Variants in SGK3 observed in about 807,000 individuals in gnomAD.
The protein encoded by SGK3 is serine/threonine-protein kinase Sgk3.
Under a neutral mutation model 68.5 loss-of-function variants are expected in SGK3, and 47 were observed. The observed-to-expected ratio is 0.69, with a 90% CI of 0.54 to 0.87. The LOEUF (loss-of-function observed/expected upper bound fraction) is 0.87, where lower values mean the gene tolerates loss of function less well. Ranked by LOEUF, SGK3 falls within the 40% of genes least tolerant of loss-of-function variation. The probability of loss-of-function intolerance (pLI) is 0.00; values close to 1 mark genes in which losing one functional copy is unlikely to be tolerated. For synonymous variants in SGK3, 181 were observed against 189.1 expected, an observed-to-expected ratio of 0.96 and a Z score of 0.35; for missense variants, 479 against 575.5, an observed-to-expected ratio of 0.83 and a Z score of 1.72.
intron 15 of SGK3, among the ~76,000 whole-genome samples, chr8:66,849,997 A>G (rs1037080945): frequency 2.6e-5 from 4 of 152,236 alleles, no homozygotes; most frequent in Admixed American, 2.0e-4. Flanking sequence ...TTATGACCCT[A>G]GAGCAAAATC....
intron 16 of SGK3, among the ~76,000 whole-genome samples, chr8:66,856,356 C>T (rs377057618): frequency 2.0e-5 from 3 of 152,142 alleles, no homozygotes; most frequent in Admixed American, 6.6e-5. Context: ...CATGAGCCAC[C>T]GTGCCTGGCC....
chr8:66,828,492 C>G (rs563183561), intron 6 of SGK3, among the ~76,000 whole-genome samples, 162 bp from the exon 7 acceptor site: 47 of 152,272 alleles, frequency 3.1e-4, no homozygotes, highest in Non-Finnish European at 6.2e-4. Context: ...ATGTGTATTT[C>G]CAAGTAAGTC....
At chr8:66,799,779 G>T (rs770576916) in intron 3 of SGK3, among the ~76,000 whole-genome samples, 1 of 152,128 alleles carries the variant, frequency 6.6e-6, no homozygotes, top group African/African-American at 2.4e-5. Context: ...GAGCTACCAC[G>T]CCTGGCTAGT....
Position 66,850,312 on chromosome 8 carries a change from T to C in SGK3, c.1231-519T>C, listed in dbSNP as rs528738750. ...CTCCTGTGGCACCTTGAAGGAAAAA[T>C]AGCTAGAGTCAATACTGTGCCATTG... is the stretch of plus-strand genomic sequence containing the variant. On this transcript the variant is annotated intron_variant, in intron 15 of 16. Transcript: ENST00000521198. Among the ~76,000 whole-genome samples the C allele has an allele frequency of 2.1e-3, 326 of 152,294 alleles. 1 individual carries two copies. Among genetic ancestry groups the C allele is most frequent in the Non-Finnish European group, 3.9e-3 (265 of 68,034 alleles).
Position 66,840,056 on chromosome 8 carries a change from TTA to T in SGK3, c.796_797del (p.Tyr266ArgfsTer3). The stretch of plus-strand genomic sequence containing the variant: ...CCTTTCCTGAGCACAGAGCTAGGTT[TTA>T]CGCTGCTGAAATTGCTAGTGCATTG... ...RSFPEHRARF[Y>X]AAEIASALGY... On this transcript the variant is annotated frameshift_variant, in exon 11 of 17. Transcript: ENST00000521198. LOFTEE classifies it high-confidence loss of function. 6.2e-7 allele frequency: 1 copy of T among 1,614,118 alleles called. No individual in the cohort carries two copies. Among genetic ancestry groups the T allele is most frequent in the Non-Finnish European group, 8.5e-7 (1 of 1,179,994 alleles).
chr8:66,804,535 G>C, intron 4 of SGK3, 88 bp downstream of exon 4: 1 of 1,353,100 alleles, frequency 7.4e-7, no homozygotes, highest in Non-Finnish European at 1.0e-6. Context: ...GTATAGCAGT[G>C]CAGGACTTTA....
chr8:66,724,407 C>T (rs1358922086), intron 1 of SGK3, among the ~76,000 whole-genome samples: 1 of 152,190 alleles, frequency 6.6e-6, no homozygotes, highest in Admixed American at 6.5e-5. Flanking sequence ...AAAACCTCGT[C>T]TCTACTAAAA....
chr8:66,786,852 A>G (rs1318853303), intron 1 of SGK3, among the ~76,000 whole-genome samples: 2 of 150,524 alleles, frequency 1.3e-5, no homozygotes, highest in East Asian at 3.9e-4. Flanking sequence ...ATAACATCAT[A>G]CTTAACAAAT....
chr8:66,807,424 T>C (rs1808212143), intron 4 of SGK3, among the ~76,000 whole-genome samples: 1 of 152,218 alleles, frequency 6.6e-6, no homozygotes, highest in Non-Finnish European at 1.5e-5. Context: ...AAAGGCAAGA[T>C]ACCAGGCTGA....
At chr8:66,837,753 C>T (rs756372261) in intron 10 of SGK3, among the ~76,000 whole-genome samples, 2 of 152,114 alleles carry the variant, frequency 1.3e-5, no homozygotes, top group African/African-American at 2.4e-5. Flanking sequence ...AACTGTACTC[C>T]AGCCTGGGTG....
intron 1 of SGK3, chr8:66,767,555 C>G (rs759067948): frequency 6.8e-7 from 1 of 1,478,252 alleles, no homozygotes; most frequent in Non-Finnish European, 9.4e-7. Flanking sequence ...TCTCTCTCCT[C>G]ATCAAGTATC....
At chr8:66,733,792 A>G (rs1234513423) in intron 1 of SGK3, among the ~76,000 whole-genome samples, 2 of 152,142 alleles carry the variant, frequency 1.3e-5, no homozygotes, top group African/African-American at 2.4e-5. Context: ...AACTTTTTCA[A>G]TTTTAACTAG....
In SGK3 at chr8:66,839,541, ATATATATATATATATATT is replaced by A. The variant is rs1367054226; in HGVS notation, c.742-460_742-443del. On this transcript the variant is annotated intron_variant, in intron 10 of 16. Transcript: ENST00000521198. ...TATATATATATATATATATATATAT[ATATATATATATATATATT>A]TTCATATGGGTTATATTTGTTCTGC... 9.6e-4 allele frequency among the ~76,000 whole-genome samples: 69 copies of A among 71,522 alleles called. 1 individual carries two copies. Among genetic ancestry groups the A allele is most frequent in the African/African-American group, 3.1e-3 (55 of 17,986 alleles). The allele number at this position is 71,522 out of a possible 152,430, so 46.9% of individuals were successfully genotyped here.
chr8:66,718,879 C>G (rs752950672), intron 1 of SGK3, among the ~76,000 whole-genome samples: 32 of 152,176 alleles, frequency 2.1e-4, no homozygotes, highest in Non-Finnish European at 3.8e-4. Flanking sequence ...GAATCATATT[C>G]TTAGTTTTCC....
chr8:66,825,982 C>CT (rs1405303305), intron 6 of SGK3, among the ~76,000 whole-genome samples: 28 of 148,864 alleles, frequency 1.9e-4, no homozygotes, highest in South Asian at 6.4e-4. Context: ...CTTCCTTCAT[C>CT]TTTTTTTTTT....
intron 16 of SGK3, 142 bp from the exon 17 acceptor site, chr8:66,859,269 G>A: frequency 1.0e-6 from 1 of 998,390 alleles, no homozygotes; most frequent in Non-Finnish European, 1.3e-6. Flanking sequence ...GGAGGCGGAG[G>A]TTGCAGTGAG....
At chr8:66,811,078 G>A (rs1808363801) in intron 4 of SGK3, among the ~76,000 whole-genome samples, 2 of 152,116 alleles carry the variant, frequency 1.3e-5, no homozygotes. Context: ...GTACAGTGGT[G>A]CGATCTCAGC....
chr8:66,753,449 A>T (rs938720042), intron 1 of SGK3, among the ~76,000 whole-genome samples: 1 of 152,242 alleles, frequency 6.6e-6, no homozygotes, highest in Non-Finnish European at 1.5e-5. Flanking sequence ...ATAGGAGAGG[A>T]CTAGGGGAAG....
At chr8:66,733,347 G>A (rs1054276899) in intron 1 of SGK3, among the ~76,000 whole-genome samples, 6 of 152,162 alleles carry the variant, frequency 3.9e-5, no homozygotes, top group Non-Finnish European at 1.5e-5. Flanking sequence ...CAGTAGTATA[G>A]TTATTATTGT....
Sources: gnomAD v4.1 joint callset for allele counts (sites outside exome capture counted in the v4.1 genomes callset) on GRCh38, gnomAD v4.1.1 for gene constraint, MANE v1.5 for transcripts, NCBI Gene and HGNC (gene_info 2026-07-23, HGNC 2026-07-21) for gene names.